Variants in CUX2 observed in about 807,000 individuals in gnomAD.
CUX2 encodes the protein cut like homeobox 2.
In CUX2, 40 loss-of-function variants were observed where a neutral mutation model predicts 144.8. The observed-to-expected ratio is 0.28, with a 90% confidence interval of 0.21 to 0.36. The LOEUF (loss-of-function observed/expected upper bound fraction) is 0.36, where lower values mean the gene tolerates loss of function less well. Among genes scored for constraint, CUX2 ranks in the 10% least tolerant of loss-of-function variants. CUX2 has a pLI of 1.00. For synonymous variants in CUX2, 827 were observed against 875.6 expected (o/e 0.94, Z 0.98); for missense variants, 1,615 against 1,994.0 (o/e 0.81, Z 3.62).
rs1887476500 is a variant in CUX2 at position 111,320,584 on chromosome 12, G to A, written c.2575G>A (p.Ala859Thr). The part of the protein sequence containing the change: ...TGELKAEGAT[A>T]EAGARLPYYP... ...CGAGCTCAAGGCTGAGGGCGCGACG[G>A]CCGAGGCGGGCGCGCGGCTGCCCTA... The change falls in exon 17 of 22, where the codon GCC becomes ACC. Residue 859 changes from alanine (A) to threonine (T), a missense_variant. Physicochemically the swap from Ala to Thr is moderately conservative, Grantham distance 58. Around this residue, in one of 12 missense-constraint regions of CUX2, gnomAD observed 390 missense variants for 387.1 expected, o/e 1.01. Transcript: ENST00000261726. This position sits in a 1 kb window ranked among gnomAD's most constrained non-coding sequence, Gnocchi z 8.1. The A allele has an allele frequency of 1.3e-6, 2 of 1,518,278 alleles. No homozygotes were observed. Among genetic ancestry groups the A allele is most frequent in the African/African-American group, 1.4e-5 (1 of 71,072 alleles). The allele number at this position is 1,518,278 out of a possible 1,614,324, so 94.1% of individuals were successfully genotyped here. A position where few individuals can be genotyped will look rare whatever the true frequency, so the allele number is the denominator to read the frequency against.
At chr12:111,090,949 C>T (rs779807904) in intron 1 of CUX2, among the ~76,000 whole-genome samples, 1 of 152,120 alleles carries the variant, frequency 6.6e-6, no homozygotes, top group African/African-American at 2.4e-5. Flanking sequence ...ATTGATGGAG[C>T]ACCTACTGTG....
At chr12:111,294,978 G>A (rs75772217) in intron 6 of CUX2, among the ~76,000 whole-genome samples, 6,045 of 152,206 alleles carry the variant, frequency 0.04, 143 homozygotes, top group South Asian at 0.087. Flanking sequence ...CAGAACTATT[G>A]GGGGCTGAGC....
At chr12:111,279,538 A>G (rs1323093484) in intron 4 of CUX2, among the ~76,000 whole-genome samples, 2 of 152,244 alleles carry the variant, frequency 1.3e-5, no homozygotes, top group African/African-American at 2.4e-5. Flanking sequence ...GAAGAAGAGG[A>G]GAGGCCAGGT....
intron 1 of CUX2, among the ~76,000 whole-genome samples, chr12:111,078,740 G>A (rs1477133318): frequency 6.6e-6 from 1 of 152,138 alleles, no homozygotes; most frequent in African/African-American, 2.4e-5. Context: ...GACAGGTTTT[G>A]AACAGGGGGG....
intron 1 of CUX2, among the ~76,000 whole-genome samples, chr12:111,211,651 C>T (rs1449738098): frequency 1.6e-4 from 25 of 152,046 alleles, no homozygotes; most frequent in Admixed American, 1.6e-3. Context: ...TTTGGGAGGC[C>T]GAGGTGGGTG....
chr12:111,278,461 A>G (rs1182400183), intron 4 of CUX2, among the ~76,000 whole-genome samples: 2 of 152,212 alleles, frequency 1.3e-5, no homozygotes, highest in Non-Finnish European at 2.9e-5. Flanking sequence ...TCTGAGGGTC[A>G]AGATGTCTTT....
Position 111,308,619 on chromosome 12 carries a change from T to C in CUX2, c.1258+93T>C, listed in dbSNP as rs1886720199. On this transcript the variant is annotated intron_variant, in intron 14 of 21. Coordinates refer to ENST00000261726, the MANE Select transcript of CUX2 (RefSeq NM_015267.4). ...CATGCCCAAGGACCACTGCCTTCCATGCAGGCAGGAGAACGACAGAACAAC... is the reference window on the plus strand; with the variant it reads ...CATGCCCAAGGACCACTGCCTTCCACGCAGGCAGGAGAACGACAGAACAAC... 3.4e-5 allele frequency: 36 copies of C among 1,061,592 alleles called. 2 individuals are homozygous for C. In the South Asian group the frequency reaches 5.2e-4, roughly 15 times the overall value. 65.8% of individuals were successfully genotyped at this position (1,061,592 alleles called of 1,614,324 possible).
Position 111,341,815 on chromosome 12 carries a change from G to C in CUX2, c.3421G>C (p.Gly1141Arg), listed in dbSNP as rs200121526. 6.2e-6 allele frequency: 10 copies of C among 1,611,312 alleles called. No homozygotes were observed. The highest frequency in any genetic ancestry group is 6.8e-6 in the Non-Finnish European group (8 of 1,179,554). ...LKRRYGLISTGSDSESPATRS... is the reference protein window; with the variant it reads ...LKRRYGLISTRSDSESPATRS... The stretch of plus-strand genomic sequence containing the variant: ...ACGTCGCTATGGCCTCATCAGCACC[G>C]GCTCAGACAGTGAGTCCCCGGCCAC... Residue 1141 changes from glycine to arginine, a missense_variant, in exon 21 of 22, where the codon GGC becomes CGC. Coordinates refer to ENST00000261726, the MANE Select transcript of CUX2 (RefSeq NM_015267.4).
chr12:111,054,036 C>T (rs1870405476), intron 1 of CUX2, among the ~76,000 whole-genome samples: 1 of 152,156 alleles, frequency 6.6e-6, no homozygotes, highest in South Asian at 2.1e-4. Flanking sequence ...CGCCTGTAAT[C>T]CCAGCTACTC....
Position 111,312,151 on chromosome 12 carries a change from T to C in CUX2, c.1952T>C (p.Ile651Thr). Residue 651 changes from isoleucine to threonine, a missense_variant, in exon 16 of 22, where the codon ATC becomes ACC. Around this residue, in one of 12 missense-constraint regions of CUX2, gnomAD observed 71 missense variants for 142.3 expected, o/e 0.50. Coordinates refer to ENST00000261726, the MANE Select transcript of CUX2 (RefSeq NM_015267.4). The surrounding 1 kb of genome is among the most constrained non-coding windows in gnomAD (Gnocchi z 4.3). The part of the protein sequence containing the change: ...RTPETGSDDA[I>T]KSILEQAKKE... Reference sequence around the variant, plus strand: ...CCTGAGACAGGCTCAGACGACGCCATCAAGAGCATTCTAGAGCAGGCCAAG... The same window carrying C: ...CCTGAGACAGGCTCAGACGACGCCACCAAGAGCATTCTAGAGCAGGCCAAG... 6.2e-7 allele frequency: 1 copy of C among 1,612,024 alleles called. No individual in the cohort carries two copies.
rs1883749597 is a variant in CUX2, at chr12:111,255,104, T to C, written c.223-8657T>C. 6.6e-6 allele frequency among the ~76,000 whole-genome samples: 1 copy of C among 152,202 alleles called. No individual in the cohort carries two copies. The highest frequency in any genetic ancestry group is 1.5e-5 in the Non-Finnish European group (1 of 68,038). On this transcript the variant is annotated intron_variant, in intron 3 of 21. Transcript: ENST00000261726. The surrounding 1 kb of genome is among the most constrained non-coding windows in gnomAD (Gnocchi z 4.1). ...CCTCCGCCTCGGCCTCCCAAAGTGC[T>C]GGGATTACAGGCGTGAGCCACCGCA...
chr12:111,264,408 GACTTACAA>G (rs1194531288), intron 4 of CUX2, among the ~76,000 whole-genome samples: 1 of 152,180 alleles, frequency 6.6e-6, no homozygotes, highest in African/African-American at 2.4e-5. Flanking sequence ...ATGTGGCCTA[GACTTACAA>G]GGGAGTATTA....
chr12:111,264,968 T>G (rs1477476716), intron 4 of CUX2, among the ~76,000 whole-genome samples: 3 of 152,114 alleles, frequency 2.0e-5, no homozygotes, highest in African/African-American at 7.2e-5. Context: ...TGAGTTTCTT[T>G]TTGGGGGATA....
intron 1 of CUX2, among the ~76,000 whole-genome samples, chr12:111,047,354 T>A (rs113387000): frequency 6.6e-6 from 1 of 151,662 alleles, no homozygotes. Flanking sequence ...TTTTTTAGAT[T>A]TTTTTTTTAA....
At chr12:111,161,020 G>A (rs1427937786) in intron 1 of CUX2, among the ~76,000 whole-genome samples, 1 of 152,138 alleles carries the variant, frequency 6.6e-6, no homozygotes, top group African/African-American at 2.4e-5. Context: ...GGTCCGCAGT[G>A]GGTGGGTGGT....
chr12:111,158,518 G>C (rs1274692329), intron 1 of CUX2, among the ~76,000 whole-genome samples: 2 of 148,640 alleles, frequency 1.3e-5, no homozygotes, highest in Non-Finnish European at 3.0e-5. Flanking sequence ...CTTGGAGAAA[G>C]TATGCCATTG....
rs536935568 is a variant in CUX2 at position 111,061,526 on chromosome 12, G to A, written c.63+27286G>A. On this transcript the variant is annotated intron_variant, in intron 1 of 21. Transcript: ENST00000261726. The surrounding 1 kb of genome is among the most constrained non-coding windows in gnomAD (Gnocchi z 4.2). ...CAAATAGAGAAAAGAGGAAGAAGGA[G>A]ACTGGAAGAACACCCTTTGGCATGG... Among the ~76,000 whole-genome samples, 43 of 152,312 alleles carry A rather than the reference G, an allele frequency of 2.8e-4. No homozygotes were observed. Among genetic ancestry groups the A allele is most frequent in the African/African-American group, 8.9e-4 (37 of 41,568 alleles).
chr12:111,184,598 A>C (rs1043424046), intron 1 of CUX2, among the ~76,000 whole-genome samples: 4 of 148,712 alleles, frequency 2.7e-5, no homozygotes, highest in African/African-American at 1.0e-4. Flanking sequence ...AAAAAAAAAA[A>C]ACAGAAAAAT....
At chr12:111,268,175 T>G (rs1884471354) in intron 4 of CUX2, among the ~76,000 whole-genome samples, 1 of 152,104 alleles carries the variant, frequency 6.6e-6, no homozygotes, top group African/African-American at 2.4e-5. Flanking sequence ...CTCAAGATCC[T>G]TAATTATATC....
Sources: allele counts gnomAD v4.1 joint callset (sites outside exome capture counted in the v4.1 genomes callset), GRCh38; gene constraint gnomAD v4.1.1; regional missense constraint gnomAD v4.1.1; non-coding constraint Gnocchi (gnomAD v3.1); transcripts MANE v1.5; gene names NCBI Gene and HGNC (gene_info 2026-07-23, HGNC 2026-07-21).